AUTS2: variants seen among roughly 807,000 people sequenced by gnomAD.
AUTS2 encodes autism susceptibility gene 2 protein.
A neutral mutation model predicts 112.4 loss-of-function variants in AUTS2; 17 were observed. The observed-to-expected ratio is 0.15, with a 90% CI of 0.10 to 0.23. The LOEUF (loss-of-function observed/expected upper bound fraction) is 0.23. Ranked by LOEUF, AUTS2 falls within the 10% of genes least tolerant of loss-of-function variation. The pLI is 1.00. For synonymous variants in AUTS2, 751 were observed against 702.7 expected, an observed-to-expected ratio of 1.07 and a Z score of -1.09; for missense variants, 1,510 against 1,701.6, an observed-to-expected ratio of 0.89 and a Z score of 1.98.
chr7:70,393,712 T>C (rs1793965999), intron 4 of AUTS2, among the ~76,000 whole-genome samples: 1 of 152,212 alleles, frequency 6.6e-6, no homozygotes, highest in Non-Finnish European at 1.5e-5. Context: ...TATGTTCTGC[T>C]TTTGAAATAA....
chr7:70,113,013 A>G (rs1461354878), intron 2 of AUTS2, among the ~76,000 whole-genome samples: 3 of 152,092 alleles, frequency 2.0e-5, no homozygotes, highest in Non-Finnish European at 4.4e-5. Context: ...ACTAATGGTT[A>G]GCTTCAAGAT....
intron 4 of AUTS2, among the ~76,000 whole-genome samples, chr7:70,399,760 AT>A (rs59416048): frequency 1.6e-5 from 2 of 125,404 alleles, no homozygotes; most frequent in Non-Finnish European, 3.7e-5. Flanking sequence ...AAAAAATAAA[AT>A]AAAATAAAAT....
At chr7:70,780,340 C>T (rs12113719) in intron 14 of AUTS2, among the ~76,000 whole-genome samples, 1,672 of 151,834 alleles carry the variant, frequency 0.011, 27 homozygotes, top group African/African-American at 0.038. Flanking sequence ...GGATGGTAGG[C>T]GGAAAGATTA....
chr7:70,586,919 A>T (rs1802714083), intron 5 of AUTS2, among the ~76,000 whole-genome samples: 1 of 152,232 alleles, frequency 6.6e-6, no homozygotes, highest in South Asian at 2.1e-4. Context: ...TGTGATACAC[A>T]GTCTTGGGTT....
At chr7:70,004,323 T>A (rs1469462016) in intron 2 of AUTS2, among the ~76,000 whole-genome samples, 1 of 127,188 alleles carries the variant, frequency 7.9e-6, no homozygotes. Context: ...ATTATATATA[T>A]AATATATATA....
intron 18 of AUTS2, among the ~76,000 whole-genome samples, chr7:70,789,127 T>C (rs1038361569): frequency 3.3e-5 from 5 of 152,218 alleles, no homozygotes; most frequent in East Asian, 1.9e-4. Flanking sequence ...AAGTGCTCTT[T>C]GCAACCCAAA....
chr7:70,678,380 C>T (rs146974398), intron 5 of AUTS2, among the ~76,000 whole-genome samples: 15 of 152,270 alleles, frequency 9.9e-5, no homozygotes, highest in African/African-American at 2.6e-4. Context: ...CTAACACTGC[C>T]GAACGTACTT....
intron 1 of AUTS2, among the ~76,000 whole-genome samples, chr7:69,640,666 A>G (rs1794761462): frequency 1.3e-5 from 2 of 152,210 alleles, no homozygotes; most frequent in Admixed American, 1.3e-4. Flanking sequence ...CCTGCCTTCA[A>G]ATATTTTGGT....
intron 1 of AUTS2, among the ~76,000 whole-genome samples, chr7:69,841,931 A>G (rs965221150): frequency 6.6e-6 from 1 of 152,172 alleles, no homozygotes; most frequent in Non-Finnish European, 1.5e-5. Context: ...CATATCTGCA[A>G]TTCACTTTCA....
chr7:70,548,934 CA>C (rs11357092), intron 5 of AUTS2, among the ~76,000 whole-genome samples: 31,002 of 101,282 alleles, frequency 0.31, 3,249 homozygotes, highest in Middle Eastern at 0.41. Flanking sequence ...ACCCCCCCCC[CA>C]AAAAAAAAAA....
At chr7:70,720,632 A>G (rs1320348882) in intron 6 of AUTS2, among the ~76,000 whole-genome samples, 1 of 152,186 alleles carries the variant, frequency 6.6e-6, no homozygotes, top group East Asian at 1.9e-4. Flanking sequence ...CCTGGCCACC[A>G]GACTTCTTCC....
At chr7:69,735,979 G>GAT (rs1392449103) in intron 1 of AUTS2, among the ~76,000 whole-genome samples, 1 of 152,166 alleles carries the variant, frequency 6.6e-6, no homozygotes, top group African/African-American at 2.4e-5. Context: ...ATGGCCCAAG[G>GAT]ATATAAGCTT....
intron 5 of AUTS2, among the ~76,000 whole-genome samples, chr7:70,567,843 G>A (rs1409610528): frequency 6.6e-6 from 1 of 152,154 alleles, no homozygotes; most frequent in Non-Finnish European, 1.5e-5. Context: ...TGTTCTTTAG[G>A]TAAAGCTGTT....
At chr7:70,554,301 T>A (rs923275142) in intron 5 of AUTS2, among the ~76,000 whole-genome samples, 1 of 149,078 alleles carries the variant, frequency 6.7e-6, no homozygotes, top group Non-Finnish European at 1.5e-5. Context: ...ACTCCTGACC[T>A]CAGGTGATCT....
intron 5 of AUTS2, among the ~76,000 whole-genome samples, chr7:70,667,761 G>C (rs549959709): frequency 6.6e-6 from 1 of 152,122 alleles, no homozygotes; most frequent in Admixed American, 6.5e-5. Flanking sequence ...TTAAAATCAG[G>C]GTTTAGTTTT....
intron 4 of AUTS2, among the ~76,000 whole-genome samples, chr7:70,264,508 A>G (rs1041220315): frequency 6.6e-6 from 1 of 152,110 alleles, no homozygotes; most frequent in African/African-American, 2.4e-5. Flanking sequence ...ACCCAGCCAA[A>G]TGTTTGCATT....
At chr7:70,772,152 G>A (rs572640215) in intron 11 of AUTS2, among the ~76,000 whole-genome samples, 28 of 152,224 alleles carry the variant, frequency 1.8e-4, no homozygotes, top group East Asian at 7.7e-4. Context: ...AGGGCCTGCC[G>A]GCAGGTGGGG....
chr7:70,735,532 G>A (rs1787732259), intron 6 of AUTS2, among the ~76,000 whole-genome samples: 1 of 152,136 alleles, frequency 6.6e-6, no homozygotes, highest in South Asian at 2.1e-4. Context: ...AGGACCGCGA[G>A]GAGAGTTTTC....
chr7:69,918,718 G>T (rs1177627447), intron 2 of AUTS2, among the ~76,000 whole-genome samples: 1 of 152,202 alleles, frequency 6.6e-6, no homozygotes, highest in Admixed American at 6.5e-5. Context: ...AGTTCCCCTG[G>T]CATAATTATT....
Sources: allele counts gnomAD v4.1 joint callset (sites outside exome capture counted in the v4.1 genomes callset), GRCh38; gene constraint gnomAD v4.1.1; transcripts MANE v1.5; gene names NCBI Gene and HGNC (gene_info 2026-07-23, HGNC 2026-07-21).